The following MIA2 variants were observed in gnomAD, a reference collection of about 807,000 sequenced individuals.
The protein encoded by MIA2 is MIA SH3 domain ER export factor 2.
In MIA2, 127 loss-of-function variants were observed where a neutral mutation model predicts 167.8. The observed-to-expected ratio is 0.76, with a 90% CI of 0.66 to 0.88. MIA2 has a LOEUF of 0.88. Among genes scored for constraint, MIA2 ranks in the 40% least tolerant of loss-of-function variants. MIA2 has a pLI of 0.00. For missense variants in MIA2, 1,690 were observed against 1,624.7 expected (o/e 1.04, Z -0.69); for synonymous variants, 552 against 541.9 (o/e 1.02, Z -0.26).
chr14:39,347,400 T>C (rs2073525518), intron 26 of MIA2: 1 of 312,626 alleles, frequency 3.2e-6, no homozygotes, highest in Admixed American at 5.0e-5. Context: ...GAGGCAAACA[T>C]AAAAGGAGGG....
At chr14:39,263,854 G>C (rs8004348) in intron 6 of MIA2, among the ~76,000 whole-genome samples, 1 of 151,768 alleles carries the variant, frequency 6.6e-6, no homozygotes, top group Non-Finnish European at 1.5e-5. Context: ...GGCTGGTCTC[G>C]AACTCCTGAC....
intron 28 of MIA2, among the ~76,000 whole-genome samples, chr14:39,349,552 G>A (rs999240657): frequency 6.6e-6 from 1 of 152,128 alleles, no homozygotes; most frequent in Non-Finnish European, 1.5e-5. Flanking sequence ...TAAATATGTG[G>A]TTACCAAATA....
intron 18 of MIA2, among the ~76,000 whole-genome samples, chr14:39,309,404 T>G (rs943534740): frequency 6.6e-6 from 1 of 152,200 alleles, no homozygotes; most frequent in African/African-American, 2.4e-5. Flanking sequence ...AGCTTATTCA[T>G]GTTCTTTTTC....
At chr14:39,315,399 C>G (rs940710960) in intron 20 of MIA2, 1 of 285,488 alleles carries the variant, frequency 3.5e-6, no homozygotes, top group Non-Finnish European at 6.4e-6. Flanking sequence ...ACAGTGGGGT[C>G]TCATACTCAG....
At position 39,277,684 on chromosome 14, in the gene MIA2, ATATGTG is replaced by A. The variant is rs1425464366; in HGVS notation, c.2019+621_2019+626del. Among the ~76,000 whole-genome samples, 2 of 9,358 alleles carry A rather than the reference ATATGTG, an allele frequency of 2.1e-4. 1 individual carries two copies. The highest frequency in any genetic ancestry group is 3.7e-4 in the Non-Finnish European group (2 of 5,432). The allele number at this position is 9,358 out of a possible 152,430, so 6.1% of individuals were successfully genotyped here. Reference sequence around the variant, plus strand: ...AATGTAAGATCTTTTATATATATATATATGTGTGTATATATATATATATATATATAT... The same window carrying A: ...AATGTAAGATCTTTTATATATATATATGTATATATATATATATATATATAT... On this transcript the variant is annotated intron_variant, in intron 7 of 28. Transcript: ENST00000640607.
intron 26 of MIA2, 198 bp from the exon 27 acceptor site, chr14:39,347,515 T>C (rs942464836): frequency 7.1e-6 from 4 of 563,492 alleles, no homozygotes; most frequent in African/African-American, 3.9e-5. Context: ...AATTGCCACA[T>C]GCCATCATAG....
Position 39,345,925 on chromosome 14 carries a change from C to A in MIA2, c.3677C>A (p.Ala1226Asp), listed in dbSNP as rs748484013. 1.2e-6 allele frequency: 2 copies of A among 1,610,780 alleles called. No homozygotes were observed. Among genetic ancestry groups the A allele is most frequent in the East Asian group, 4.5e-5 (2 of 44,812 alleles). Residue 1226 changes from alanine (A) to aspartate (D), a missense_variant, in exon 26 of 29, where the codon GCC (alanine) becomes GAC (aspartate). Physicochemically the swap from Ala to Asp is moderately radical, Grantham distance 126 (BLOSUM62 -2). Coordinates refer to ENST00000640607, the MANE Select transcript of MIA2 (RefSeq NM_001329214.4). Reference protein sequence around the residue: ...PPPGQSYPDSALPPQRQDRFC... With the variant: ...PPPGQSYPDSDLPPQRQDRFC... ...CTAGGACAATCATATCCTGATTCAGCCCTTCCTCCACAAAGGCAAGACAGA... is the reference window on the plus strand; with the variant it reads ...CTAGGACAATCATATCCTGATTCAGACCTTCCTCCACAAAGGCAAGACAGA...
At chr14:39,293,738 A>G (rs1368438748) in intron 11 of MIA2, among the ~76,000 whole-genome samples, 1 of 152,194 alleles carries the variant, frequency 6.6e-6, no homozygotes, top group Non-Finnish European at 1.5e-5. Context: ...TGTATGTGAG[A>G]TTATTTAGTA....
intron 23 of MIA2, among the ~76,000 whole-genome samples, chr14:39,357,498 C>G (rs1349794038): frequency 2.2e-5 from 3 of 137,088 alleles, no homozygotes; most frequent in East Asian, 5.3e-4. Context: ...GGTCTTGACT[C>G]TTCATTCAGT....
In MIA2 at chr14:39,253,055, A is replaced by G; in HGVS notation, c.1787-16A>G. On this transcript the variant is annotated splice_polypyrimidine_tract_variant and intron_variant, in intron 5 of 28. Transcript: ENST00000640607. ...TATAATATCATGCTAACATATTTTTATTTATAAATCAACAGAAGATGCTTC... is the reference window on the plus strand; with the variant it reads ...TATAATATCATGCTAACATATTTTTGTTTATAAATCAACAGAAGATGCTTC... 1.9e-6 allele frequency: 3 copies of G among 1,573,546 alleles called. No individual in the cohort carries two copies. The highest frequency in any genetic ancestry group is 2.6e-6 in the Non-Finnish European group (3 of 1,157,822).
At chr14:39,262,745 G>A (rs936897840) in intron 6 of MIA2, among the ~76,000 whole-genome samples, 4 of 152,208 alleles carry the variant, frequency 2.6e-5, no homozygotes, top group Admixed American at 2.0e-4. Context: ...CTTGTAAATT[G>A]GATTCCTAGG....
chr14:39,285,742 G>C (rs1471727174), intron 9 of MIA2, among the ~76,000 whole-genome samples: 2 of 146,220 alleles, frequency 1.4e-5, no homozygotes, highest in African/African-American at 5.1e-5. Context: ...GCTGCCGGGC[G>C]GAGGGGCTCC....
chr14:39,246,582 A>G (rs10129351), intron 3 of MIA2, among the ~76,000 whole-genome samples: 10,401 of 152,172 alleles, frequency 0.068, 460 homozygotes, highest in South Asian at 0.18. Flanking sequence ...TGGGTATAGT[A>G]ACAGCTACTT....
At chr14:39,386,747 A>T in intron 23 of MIA2, 1 of 1,338,146 alleles carries the variant, frequency 7.5e-7, no homozygotes, top group East Asian at 2.3e-5. Flanking sequence ...CAGTTTCTTC[A>T]TCCTCCTCTA....
chr14:39,233,993 T>C lies in MIA2; in HGVS notation c.-122T>C, dbSNP rs988217927. The C allele has an allele frequency of 1.7e-5, 9 of 518,902 alleles. No homozygotes were observed. Among genetic ancestry groups the C allele is most frequent in the Non-Finnish European group, 2.7e-5 (8 of 294,982 alleles). 32.1% of individuals were successfully genotyped at this position (518,902 alleles called of 1,614,324 possible). A position where few individuals can be genotyped will look rare whatever the true frequency, so the allele number is the denominator to read the frequency against. ...GTAGTTATCAAGAGATTTTTAAAAC[T>C]TCAACCCTTTTTCTCTTATAGTTAG... On this transcript the variant is annotated 5_prime_UTR_variant, in exon 1 of 29. Coordinates refer to ENST00000640607, the MANE Select transcript of MIA2 (RefSeq NM_001329214.4).
chr14:39,308,118 A>G (rs73277477), intron 17 of MIA2, among the ~76,000 whole-genome samples: 2,630 of 152,256 alleles, frequency 0.017, 83 homozygotes, highest in African/African-American at 0.06. Flanking sequence ...TTGAATAGCT[A>G]GAAGAGAGGA....
chr14:39,243,602 A>G (rs1423887632), intron 3 of MIA2, among the ~76,000 whole-genome samples: 1 of 152,210 alleles, frequency 6.6e-6, no homozygotes, highest in Non-Finnish European at 1.5e-5. Flanking sequence ...GTGGTGGCTC[A>G]TGCCTGTAAT....
Position 39,247,922 on chromosome 14 carries a change from G to T in MIA2, c.1348G>T (p.Glu450Ter). 3 of 1,595,784 alleles carry T rather than the reference G, an allele frequency of 1.9e-6. No homozygotes were observed. The highest frequency in any genetic ancestry group is 1.2e-5 in the South Asian group (1 of 86,062). ...DKKPVSEKTD[E>*]SDTIPYLKKF... ...GAAACCAGTCTCAGAAAAAACAGACGAATCTGATACTATACCATATTTGAA... is the reference window on the plus strand; with the variant it reads ...GAAACCAGTCTCAGAAAAAACAGACTAATCTGATACTATACCATATTTGAA... The change falls in exon 4 of 29, where the codon GAA (glutamate) becomes TAA (stop). Residue 450 changes from glutamate to a stop codon, truncating the protein, a stop_gained. Transcript: ENST00000640607. LOFTEE classifies it high-confidence loss of function.
At chr14:39,346,244 G>C (rs2073223652) in intron 26 of MIA2, among the ~76,000 whole-genome samples, 1 of 152,070 alleles carries the variant, frequency 6.6e-6, no homozygotes, top group African/African-American at 2.4e-5. Flanking sequence ...CATGGAAATA[G>C]GTTTACTCCA....
Sources: allele counts gnomAD v4.1 joint callset (sites outside exome capture counted in the v4.1 genomes callset), GRCh38; gene constraint gnomAD v4.1.1; transcripts MANE v1.5; gene names NCBI Gene and HGNC (gene_info 2026-07-23, HGNC 2026-07-21).